Variants in KDM4C observed in about 807,000 individuals in gnomAD.
KDM4C encodes lysine-specific demethylase 4C.
A neutral mutation model predicts 129.3 loss-of-function variants in KDM4C; 81 were observed. That is an observed-to-expected ratio of 0.63 (90% CI 0.52 to 0.75). The LOEUF (loss-of-function observed/expected upper bound fraction) is 0.75, where lower values mean the gene tolerates loss of function less well. Among genes scored for constraint, KDM4C ranks in the 30% least tolerant of loss-of-function variants. The probability of loss-of-function intolerance (pLI) is 0.00; values close to 1 mark genes in which losing one functional copy is unlikely to be tolerated. For synonymous variants in KDM4C, 573 were observed against 456.1 expected, an observed-to-expected ratio of 1.26 and a Z score of -3.26; for missense variants, 1,457 against 1,304.0, an observed-to-expected ratio of 1.12 and a Z score of -1.81.
intron 1 of KDM4C, among the ~76,000 whole-genome samples, chr9:6,743,154 C>G (rs549578245): frequency 7.9e-5 from 12 of 152,220 alleles, no homozygotes; most frequent in South Asian, 2.1e-4. Context: ...AGGGATGAAA[C>G]AGACTAAACA....
intron 1 of KDM4C, among the ~76,000 whole-genome samples, chr9:6,766,119 A>G (rs572002962): frequency 1.3e-5 from 2 of 152,322 alleles, no homozygotes; most frequent in South Asian, 2.1e-4. Context: ...ATGAAAATAT[A>G]TTGTATAGGT....
At chr9:6,774,783 T>A (rs1822653502) in intron 1 of KDM4C, among the ~76,000 whole-genome samples, 1 of 152,212 alleles carries the variant, frequency 6.6e-6, no homozygotes, top group South Asian at 2.1e-4. Context: ...AAAGACATGG[T>A]ATAGTTCTAT....
chr9:7,063,980 G>C (rs1001542702), intron 17 of KDM4C, among the ~76,000 whole-genome samples: 5 of 152,316 alleles, frequency 3.3e-5, no homozygotes, highest in Admixed American at 3.3e-4. Flanking sequence ...CTGTCTGTGT[G>C]GTGACTGCTG....
At chr9:7,011,996 T>A in intron 13 of KDM4C, 117 bp downstream of exon 13, 3 of 762,104 alleles carry the variant, frequency 3.9e-6, no homozygotes, top group Non-Finnish European at 6.3e-6. Context: ...GAAGACGTCC[T>A]TAGGTAGCTG....
intron 17 of KDM4C, among the ~76,000 whole-genome samples, chr9:7,099,432 G>C (rs1056053524): frequency 2.4e-4 from 36 of 152,132 alleles, no homozygotes; most frequent in African/African-American, 8.4e-4. Flanking sequence ...CTATGCCACT[G>C]GAATAAGTAT....
At chr9:6,901,573 C>T (rs573946077) in intron 8 of KDM4C, among the ~76,000 whole-genome samples, 1 of 152,120 alleles carries the variant, frequency 6.6e-6, no homozygotes, top group Admixed American at 6.5e-5. Context: ...CCCCCATTTG[C>T]GAGGAAAATC....
Position 6,814,736 on chromosome 9 carries a change from A to G in KDM4C, c.426A>G (p.Ile142Met), listed in dbSNP as rs972192076. ...ATGGTGCAGATATTAATGGGAGCAT[A>G]TATGATGAGGTACATTCATATTTAC... is the stretch of plus-strand genomic sequence containing the variant. Reference protein sequence around the residue: ...PIYGADINGSIYDEGVDEWNI... With the variant: ...PIYGADINGSMYDEGVDEWNI... The change falls in exon 4 of 22, where the codon ATA (isoleucine) becomes ATG (methionine). Residue 142 changes from isoleucine to methionine, a missense_variant. By Grantham distance (10) the Ile-to-Met change is conservative (BLOSUM62 1). Transcript: ENST00000381309. The G allele has an allele frequency of 1.3e-6, 2 of 1,578,406 alleles. No individual in the cohort carries two copies. Among genetic ancestry groups the G allele is most frequent in the Non-Finnish European group, 1.7e-6 (2 of 1,150,054 alleles).
chr9:6,905,966 T>C (rs1818239578), intron 8 of KDM4C, among the ~76,000 whole-genome samples: 2 of 152,188 alleles, frequency 1.3e-5, no homozygotes, highest in Non-Finnish European at 2.9e-5. Context: ...TTTCTGAAAG[T>C]ATCCAGGCTT....
chr9:6,861,677 T>C (rs902404219), intron 5 of KDM4C, among the ~76,000 whole-genome samples: 5 of 152,190 alleles, frequency 3.3e-5, no homozygotes, highest in African/African-American at 4.8e-5. Flanking sequence ...TGACTTATTA[T>C]TTGTGTGGGC....
chr9:7,103,904 C>T (rs1318257895), intron 18 of KDM4C, 34 bp downstream of exon 18: 2 of 1,589,500 alleles, frequency 1.3e-6, no homozygotes, highest in Admixed American at 1.7e-5. Flanking sequence ...AGTGCTAAGA[C>T]CGTGTCTGGA....
At chr9:7,094,103 C>T (rs1464866126) in intron 17 of KDM4C, among the ~76,000 whole-genome samples, 1 of 152,200 alleles carries the variant, frequency 6.6e-6, no homozygotes, top group South Asian at 2.1e-4. Context: ...TCCAGTGAAG[C>T]AACTAAGCTT....
At chr9:6,993,967 C>T (rs531663641) in intron 12 of KDM4C, among the ~76,000 whole-genome samples, 3 of 138,710 alleles carry the variant, frequency 2.2e-5, no homozygotes, top group African/African-American at 5.1e-5. Context: ...GACCATCATT[C>T]CCCTGCCTTT....
intron 17 of KDM4C, among the ~76,000 whole-genome samples, chr9:7,064,110 GAAGCACTTTAGATACAA>G (rs1442264403): frequency 7.9e-5 from 12 of 152,150 alleles, no homozygotes; most frequent in African/African-American, 2.4e-4. Context: ...TTTAAAAACT[GAAGCACTTTAGATACAA>G]CTATAGTTTT....
chr9:6,824,312 G>C (rs1253906832), intron 4 of KDM4C, among the ~76,000 whole-genome samples: 1 of 152,186 alleles, frequency 6.6e-6, no homozygotes, highest in East Asian at 1.9e-4. Context: ...AGGGTCTGAT[G>C]AGTGCATGGC....
At chr9:7,115,195 C>G (rs942656791) in intron 18 of KDM4C, among the ~76,000 whole-genome samples, 8 of 152,096 alleles carry the variant, frequency 5.3e-5, no homozygotes, top group Admixed American at 1.3e-4. Context: ...TTCCAAGGAC[C>G]ATTTATTTGG....
intron 8 of KDM4C, among the ~76,000 whole-genome samples, chr9:6,948,458 A>ATT (rs568217316): frequency 0.044 from 5,172 of 117,068 alleles, 167 homozygotes; most frequent in African/African-American, 0.086. Context: ...CACTTTCCTC[A>ATT]TTTTTTTTTT....
chr9:6,780,640 ACCTGTAATC>A (rs1824132229), intron 1 of KDM4C, among the ~76,000 whole-genome samples: 2 of 151,664 alleles, frequency 1.3e-5, no homozygotes, highest in African/African-American at 4.8e-5. Context: ...GATACTGTCC[ACCTGTAATC>A]CCAGCTACTT....
intron 10 of KDM4C, 37 bp downstream of exon 10, chr9:6,984,441 G>A (rs767787175): frequency 2.6e-5 from 35 of 1,343,538 alleles, no homozygotes; most frequent in Non-Finnish European, 3.7e-5. Context: ...CATATAAGTA[G>A]TAGGTGGTTG....
At chr9:6,927,859 T>C (rs78331638) in intron 8 of KDM4C, among the ~76,000 whole-genome samples, 12,291 of 152,226 alleles carry the variant, frequency 0.081, 1,361 homozygotes, top group African/African-American at 0.25. Context: ...ACTATTTTGA[T>C]CTGGCTGTTC....
Sources: allele counts gnomAD v4.1 joint callset (sites outside exome capture counted in the v4.1 genomes callset), GRCh38; gene constraint gnomAD v4.1.1; transcripts MANE v1.5; gene names NCBI Gene and HGNC (gene_info 2026-07-23, HGNC 2026-07-21).